The following SEMA3D variants were observed in gnomAD, a reference collection of about 807,000 sequenced individuals.
SEMA3D encodes the protein semaphorin 3D.
SEMA3D carries 84 observed loss-of-function variants against 100.1 expected under a neutral mutation model. The observed-to-expected ratio is 0.84, with a 90% CI of 0.70 to 1.01. SEMA3D has a LOEUF of 1.01. SEMA3D is among the 50% of genes least tolerant of loss of function. The pLI is 0.00. For synonymous variants in SEMA3D, 312 were observed against 320.7 expected (o/e 0.97, Z 0.29); for missense variants, 875 against 934.1 (o/e 0.94, Z 0.82).
intron 4 of SEMA3D, among the ~76,000 whole-genome samples, chr7:85,096,712 A>C (rs1788564686): frequency 6.6e-6 from 1 of 151,944 alleles, no homozygotes; most frequent in Non-Finnish European, 1.5e-5. Context: ...ATATTACTAC[A>C]TATGAAGATA....
Position 84,997,419 on chromosome 7 carries a change from C to CTGATAGCGT in SEMA3D, c.*2020_*2021insACGCTATCA. ...TTACAAACACTGTTGTTACGCTATT[C>CTGATAGCGT]AATTAGAAGTCTGATCATGCCACAC... On this transcript the variant is annotated 3_prime_UTR_variant, in exon 19 of 19. Coordinates refer to ENST00000284136, the MANE Select transcript of SEMA3D (RefSeq NM_001384900.1). 6.6e-6 allele frequency: 1 copy of CTGATAGCGT among 152,004 alleles called. No homozygotes were observed. The highest frequency in any genetic ancestry group is 1.5e-5 in the Non-Finnish European group (1 of 67,938). The allele number at this position is 152,004 out of a possible 1,614,324, so 9.4% of individuals were successfully genotyped here.
chr7:85,091,982 G>A (rs1788407316), intron 4 of SEMA3D, among the ~76,000 whole-genome samples: 2 of 152,076 alleles, frequency 1.3e-5, no homozygotes, highest in South Asian at 4.1e-4. Context: ...TTTTGGCTAA[G>A]ATCAAGTGAA....
the SEMA3D span, among the ~76,000 whole-genome samples, chr7:85,248,713 G>T: frequency 6.6e-6 from 1 of 151,978 alleles, no homozygotes; most frequent in Admixed American, 6.6e-5. Flanking sequence ...CTAAGTGAAA[G>T]AAATCAACCT....
chr7:85,016,062 C>T (rs563028410), intron 15 of SEMA3D, among the ~76,000 whole-genome samples: 4 of 151,720 alleles, frequency 2.6e-5, no homozygotes, highest in South Asian at 2.1e-4. Flanking sequence ...GGTCTTACAC[C>T]TTTAGCACCC....
the SEMA3D span, among the ~76,000 whole-genome samples, chr7:85,241,127 C>A: frequency 9.9e-5 from 15 of 151,930 alleles, no homozygotes; most frequent in South Asian, 4.2e-4. Context: ...TACCACCTTA[C>A]TCCTGCAAGA....
At chr7:85,245,459 C>T in the SEMA3D span, among the ~76,000 whole-genome samples, 1 of 152,152 alleles carries the variant, frequency 6.6e-6, no homozygotes, top group African/African-American at 2.4e-5. Flanking sequence ...ATTCTAAAAG[C>T]TTTACTCAGC....
At chr7:85,053,627 G>C (rs1791228323) in intron 9 of SEMA3D, among the ~76,000 whole-genome samples, 1 of 151,890 alleles carries the variant, frequency 6.6e-6, no homozygotes, top group African/African-American at 2.4e-5. Flanking sequence ...CTTAATCTTA[G>C]ATTATTAAGT....
At chr7:85,004,741 C>T (rs1402736274) in intron 18 of SEMA3D, among the ~76,000 whole-genome samples, 1 of 152,016 alleles carries the variant, frequency 6.6e-6, no homozygotes, top group Non-Finnish European at 1.5e-5. Flanking sequence ...AAAAATGCTT[C>T]AAGTATAATC....
chr7:85,237,682 T>A, the SEMA3D span, among the ~76,000 whole-genome samples: 1 of 152,218 alleles, frequency 6.6e-6, no homozygotes, highest in Non-Finnish European at 1.5e-5. Context: ...CTATTCATCC[T>A]ATTGAAGGCC....
At chr7:85,174,913 C>T (rs1791185276) in intron 1 of SEMA3D, among the ~76,000 whole-genome samples, 1 of 152,062 alleles carries the variant, frequency 6.6e-6, no homozygotes, top group South Asian at 2.1e-4. Flanking sequence ...GTTTGCTCTG[C>T]TTATCAATTT....
At chr7:85,235,275 G>A in the SEMA3D span, among the ~76,000 whole-genome samples, 3 of 152,224 alleles carry the variant, frequency 2.0e-5, no homozygotes, top group Non-Finnish European at 4.4e-5. Flanking sequence ...TTCTGAATGT[G>A]TAAAAACAAT....
At chr7:85,203,986 C>A in the SEMA3D span, among the ~76,000 whole-genome samples, 1 of 151,856 alleles carries the variant, frequency 6.6e-6, no homozygotes, top group Non-Finnish European at 1.5e-5. Flanking sequence ...AGCAATGACC[C>A]ATGGAATGAG....
At chr7:85,077,041 G>C (rs1392602016) in intron 5 of SEMA3D, among the ~76,000 whole-genome samples, 3 of 151,530 alleles carry the variant, frequency 2.0e-5, no homozygotes, top group Non-Finnish European at 4.4e-5. Flanking sequence ...GGGCAGCAGA[G>C]GTTGCAGTGA....
At chr7:85,077,240 T>G (rs1337510327) in intron 5 of SEMA3D, among the ~76,000 whole-genome samples, 1 of 151,682 alleles carries the variant, frequency 6.6e-6, no homozygotes, top group Non-Finnish European at 1.5e-5. Context: ...AGAGCAATAA[T>G]CAGTTACGGT....
In SEMA3D at chr7:85,022,661, G is replaced by A. The variant is rs750344528; in HGVS notation, c.1192-48C>T. The A allele has an allele frequency of 4.2e-6, 5 of 1,197,518 alleles. No individual in the cohort carries two copies. The African/African-American group carries it at 6.0e-5, about 14-fold the overall frequency. The allele number at this position is 1,197,518 out of a possible 1,614,324, so 74.2% of individuals were successfully genotyped here. A position where few individuals can be genotyped will look rare whatever the true frequency, so the allele number is the denominator to read the frequency against. ...GTAAAGACATTGTTTATGCACCTGA[G>A]AAGTTCACACTTATTTCCAATAAAA... On this transcript the variant is annotated intron_variant, in intron 12 of 18. Transcript: ENST00000284136.
intron 3 of SEMA3D, among the ~76,000 whole-genome samples, chr7:85,111,261 T>G (rs1789084820): frequency 6.6e-6 from 1 of 152,064 alleles, no homozygotes; most frequent in Non-Finnish European, 1.5e-5. Flanking sequence ...TATCTCCAAT[T>G]GACATCTCCG....
At chr7:85,011,058 CAAAT>C (rs746978294) in intron 17 of SEMA3D, among the ~76,000 whole-genome samples, 2 of 151,692 alleles carry the variant, frequency 1.3e-5, no homozygotes, top group Non-Finnish European at 2.9e-5. Flanking sequence ...AACAAAACAA[CAAAT>C]AACGTAATTT....
rs961912555 is a variant in SEMA3D at position 85,160,065 on chromosome 7, A to G, written c.-172-6326T>C. The G allele has an allele frequency of 6.5e-6, 6 of 927,656 alleles. No individual in the cohort carries two copies. In the African/African-American group the frequency reaches 1.1e-4, roughly 17 times the overall value. The allele number at this position is 927,656 out of a possible 1,614,324, so 57.5% of individuals were successfully genotyped here. A position where few individuals can be genotyped will look rare whatever the true frequency, so the allele number is the denominator to read the frequency against. ...GTTATTTTATTGAACTGCAAACAGT[A>G]ATACTGAAAATAATATATATCTCAA... On this transcript the variant is annotated intron_variant, in intron 1 of 18. Transcript: ENST00000284136.
the SEMA3D span, among the ~76,000 whole-genome samples, chr7:85,250,217 A>C: frequency 7.0e-6 from 1 of 141,932 alleles, no homozygotes; most frequent in African/African-American, 2.6e-5. Context: ...GGAGGGTCCT[A>C]CGTCCACGGA....
Sources: gnomAD v4.1 joint callset for allele counts (sites outside exome capture counted in the v4.1 genomes callset) on GRCh38, gnomAD v4.1.1 for gene constraint, MANE v1.5 for transcripts, NCBI Gene and HGNC (gene_info 2026-07-23, HGNC 2026-07-21) for gene names.